The following CAPN8 variants were observed in gnomAD, a reference collection of about 807,000 sequenced individuals.
CAPN8 encodes the protein calpain 8.
Under a neutral mutation model 80.9 loss-of-function variants are expected in CAPN8, and 87 were observed. The observed-to-expected ratio is 1.07, with a 90% CI of 0.90 to 1.28. The LOEUF is 1.28. CAPN8 is among the 50% of genes most tolerant of loss of function. The probability of loss-of-function intolerance (pLI) is 0.00; values close to 1 mark genes in which losing one functional copy is unlikely to be tolerated. For synonymous variants in CAPN8, 299 were observed against 273.8 expected (o/e 1.09, Z -0.91); for missense variants, 757 against 702.0 (o/e 1.08, Z -0.89).
chr1:223,543,118 G>T lies in CAPN8; in HGVS notation c.2078C>A (p.Ser693Tyr), dbSNP rs1176993904. 7 of 1,551,694 alleles carry T rather than the reference G, an allele frequency of 4.5e-6. No homozygotes were observed. The highest frequency in any genetic ancestry group is 6.1e-6 in the Non-Finnish European group (7 of 1,146,992). ...CCTCAGGACATTCACCTCGGCCAGA[G>T]AGAGCTGAACCATGCCATCCTTGTC... ...DEDKDGMVQL[S>Y]LAEWLCCVLV is the part of the protein sequence containing the mutation. Residue 693 changes from serine (S) to tyrosine (Y), a missense_variant, in exon 20 of 21, where the codon TCT (serine) becomes TAT (tyrosine). Transcript: ENST00000366872.
chr1:223,627,877 C>T lies in CAPN8; in HGVS notation c.560+132G>A, dbSNP rs1572242641. 10 of 1,078,774 alleles carry T rather than the reference C, an allele frequency of 9.3e-6. No individual in the cohort carries two copies. The South Asian group carries it at 1.8e-4, about 19-fold the overall frequency. 66.8% of individuals were successfully genotyped at this position (1,078,774 alleles called of 1,614,324 possible). A position where few individuals can be genotyped will look rare whatever the true frequency, so the allele number is the denominator to read the frequency against. On this transcript the variant is annotated intron_variant, in intron 4 of 20. Coordinates refer to ENST00000366872, the MANE Select transcript of CAPN8 (RefSeq NM_001143962.2). The stretch of plus-strand genomic sequence containing the variant: ...ACTGAAAAATGCTCTCTCTCCGGCT[C>T]ATGGGGGTCTGGATGCTGGGAAAGA...
chr1:223,618,337 A>G, intron 9 of CAPN8: 1 of 1,548,598 alleles, frequency 6.5e-7, no homozygotes, highest in Non-Finnish European at 8.7e-7. Flanking sequence ...CCCACCTTGC[A>G]CCAGGTGAGG....
intron 17 of CAPN8, 139 bp downstream of exon 17, chr1:223,545,092 G>T (rs1656584176): frequency 1.4e-6 from 2 of 1,448,438 alleles, no homozygotes; most frequent in Admixed American, 2.2e-5. Context: ...TTGCCTTCTT[G>T]TTCCTTCATG....
intron 2 of CAPN8, among the ~76,000 whole-genome samples, chr1:223,638,207 A>G (rs1279121704): frequency 6.6e-6 from 1 of 152,212 alleles, no homozygotes; most frequent in Non-Finnish European, 1.5e-5. Context: ...ATTATAAGTA[A>G]TCCAGAGGTG....
chr1:223,610,145 A>G (rs2102696665), intron 11 of CAPN8, among the ~76,000 whole-genome samples: 1 of 152,370 alleles, frequency 6.6e-6, no homozygotes, highest in Non-Finnish European at 1.5e-5. Flanking sequence ...ATCAATCTTC[A>G]TCAAGATGCC....
chr1:223,609,551 G>A (rs1656981506), intron 11 of CAPN8, among the ~76,000 whole-genome samples, 187 bp from the exon 12 acceptor site: 1 of 152,164 alleles, frequency 6.6e-6, no homozygotes, highest in Non-Finnish European at 1.5e-5. Flanking sequence ...AGTGCCTTCT[G>A]GGTGCCAGGC....
chr1:223,552,879 C>A (rs1011497354), intron 14 of CAPN8, among the ~76,000 whole-genome samples: 5 of 152,112 alleles, frequency 3.3e-5, no homozygotes, highest in African/African-American at 1.2e-4. Context: ...AAATATGGCC[C>A]TTGGCAGCTA....
chr1:223,629,197 A>AGTGTGTGTGTGTGT lies in CAPN8; in HGVS notation c.308-431_308-418dup, dbSNP rs113967295. On this transcript the variant is annotated intron_variant, in intron 2 of 20. Coordinates refer to ENST00000366872, the MANE Select transcript of CAPN8 (RefSeq NM_001143962.2). ...CCAATCTATGATGTGTACGTGTAAG[A>AGTGTGTGTGTGTGT]GTGTGTGTGTGTGTGTGTGTGTGTG... Among the ~76,000 whole-genome samples the AGTGTGTGTGTGTGT allele has an allele frequency of 5.9e-4, 56 of 95,302 alleles. No homozygotes were observed. In the East Asian group the frequency reaches 0.01, roughly 17 times the overall value. 62.5% of individuals were successfully genotyped at this position (95,302 alleles called of 152,430 possible). A position where few individuals can be genotyped will look rare whatever the true frequency, so the allele number is the denominator to read the frequency against.
At chr1:223,543,962 C>T in intron 19 of CAPN8, 105 bp downstream of exon 19, 1 of 642,894 alleles carries the variant, frequency 1.6e-6, no homozygotes, top group Admixed American at 2.3e-5. Flanking sequence ...TTTCTGGGTC[C>T]CTGGCCTCCT....
At chr1:223,633,372 G>A (rs1657827434) in intron 2 of CAPN8, among the ~76,000 whole-genome samples, 2 of 151,100 alleles carry the variant, frequency 1.3e-5, no homozygotes, top group Non-Finnish European at 2.9e-5. Flanking sequence ...TCCCAAAACG[G>A]AGACTATAAC....
At position 223,544,134 on chromosome 1, in the gene CAPN8, C is replaced by T. The variant is rs139964775; in HGVS notation, c.1962G>A (p.Ala654=). 2.4e-5 allele frequency: 17 copies of T among 718,322 alleles called. No homozygotes were observed. The highest frequency in any genetic ancestry group is 1.4e-4 in the African/African-American group (8 of 57,392). The allele number at this position is 718,322 out of a possible 1,614,324, so 44.5% of individuals were successfully genotyped here. A position where few individuals can be genotyped will look rare whatever the true frequency, so the allele number is the denominator to read the frequency against. The change falls in exon 19 of 21, where the codon GCG becomes GCA. Residue 654 remains alanine (A), a synonymous_variant. Transcript: ENST00000366872. ...CAAAGTTGATGCCAAGCTTGCTGCACGCATACCGCAGGGCAATGGTCTGCT... is the reference window on the plus strand; with the variant it reads ...CAAAGTTGATGCCAAGCTTGCTGCATGCATACCGCAGGGCAATGGTCTGCT... ...QVQQTIALRY[A]CSKLGINFDS... is the part of the protein sequence containing the mutation.
chr1:223,550,777 C>T (rs1656763796), intron 15 of CAPN8, among the ~76,000 whole-genome samples, 183 bp downstream of exon 15: 1 of 152,136 alleles, frequency 6.6e-6, no homozygotes, highest in Admixed American at 6.5e-5. Flanking sequence ...CCCTCGCCTC[C>T]CCGTCTTCTG....
chr1:223,650,632 A>G (rs907013250), intron 2 of CAPN8, among the ~76,000 whole-genome samples: 1 of 152,180 alleles, frequency 6.6e-6, no homozygotes, highest in African/African-American at 2.4e-5. Context: ...ATGGGCAGAG[A>G]GTGTGCCAGG....
intron 1 of CAPN8, among the ~76,000 whole-genome samples, chr1:223,659,814 T>C (rs1294230086): frequency 2.0e-5 from 3 of 152,196 alleles, no homozygotes; most frequent in African/African-American, 7.2e-5. Context: ...AACTGAGTCT[T>C]GGGGTCATTA....
chr1:223,644,213 A>G (rs1270590226), intron 2 of CAPN8: 1 of 375,208 alleles, frequency 2.7e-6, no homozygotes, highest in Admixed American at 3.0e-5. Flanking sequence ...GCATCAACTA[A>G]TACAAGGTTC....
intron 19 of CAPN8, among the ~76,000 whole-genome samples, chr1:223,543,678 T>C (rs891224105): frequency 2.6e-5 from 4 of 152,174 alleles, no homozygotes; most frequent in African/African-American, 4.8e-5. Flanking sequence ...CATCCCTTCA[T>C]TGGAAGGTGG....
chr1:223,657,845 C>T (rs1658540641), intron 1 of CAPN8, among the ~76,000 whole-genome samples: 2 of 152,158 alleles, frequency 1.3e-5, no homozygotes, highest in South Asian at 4.1e-4. Flanking sequence ...CTGACTTCTA[C>T]ATCCATAGCT....
chr1:223,615,255 T>G (rs1208656124), intron 10 of CAPN8, among the ~76,000 whole-genome samples: 2 of 152,210 alleles, frequency 1.3e-5, no homozygotes, highest in African/African-American at 4.8e-5. Flanking sequence ...ATGGCCACCA[T>G]GAGCCCCGCT....
intron 13 of CAPN8, among the ~76,000 whole-genome samples, chr1:223,555,640 A>G: frequency 6.6e-6 from 1 of 150,924 alleles, no homozygotes. Flanking sequence ...CCATGTCTGG[A>G]AAAACATAAA....
Sources: allele counts gnomAD v4.1 joint callset (sites outside exome capture counted in the v4.1 genomes callset), GRCh38; gene constraint gnomAD v4.1.1; transcripts MANE v1.5; gene names NCBI Gene and HGNC (gene_info 2026-07-23, HGNC 2026-07-21).